The following NOS1AP variants were observed in gnomAD, a reference collection of about 807,000 sequenced individuals.
NOS1AP encodes nitric oxide synthase 1 adaptor protein.
A neutral mutation model predicts 56.2 loss-of-function variants in NOS1AP; 21 were observed. The ratio of observed to expected loss-of-function variants is 0.37; its 90% CI spans 0.26 to 0.54. NOS1AP has a LOEUF of 0.54. NOS1AP is among the 20% of genes least tolerant of loss of function. The pLI is 0.84. For synonymous variants in NOS1AP, 270 were observed against 274.6 expected (o/e 0.98, Z 0.17); for missense variants, 522 against 657.8 (o/e 0.79, Z 2.26).
At chr1:162,261,519 AGAG>A (rs1654230930) in intron 2 of NOS1AP, among the ~76,000 whole-genome samples, 1 of 32,992 alleles carries the variant, frequency 3.0e-5, no homozygotes, top group African/African-American at 9.5e-5. Context: ...AGAGAGAGAG[AGAG>A]AGAGAGAGAG....
chr1:162,318,566 AT>A (rs879619014), intron 4 of NOS1AP, among the ~76,000 whole-genome samples: 64 of 150,294 alleles, frequency 4.3e-4, no homozygotes, highest in Middle Eastern at 3.4e-3. Flanking sequence ...TCTGCTCAGT[AT>A]TTTTTTTTCT....
At chr1:162,081,072 C>CCAAG (rs1691875541) in intron 1 of NOS1AP, among the ~76,000 whole-genome samples, 1 of 152,122 alleles carries the variant, frequency 6.6e-6, no homozygotes, top group Non-Finnish European at 1.5e-5. Context: ...ATTCAAAATA[C>CCAAG]CAAGAGCTAA....
At chr1:162,319,318 G>C (rs1279015367) in intron 4 of NOS1AP, among the ~76,000 whole-genome samples, 1 of 152,006 alleles carries the variant, frequency 6.6e-6, no homozygotes, top group Non-Finnish European at 1.5e-5. Flanking sequence ...ATTGCAGTAG[G>C]CTCTTGGTGG....
intron 3 of NOS1AP, among the ~76,000 whole-genome samples, chr1:162,292,111 T>A (rs982251816): frequency 2.0e-5 from 3 of 152,230 alleles, no homozygotes; most frequent in African/African-American, 7.2e-5. Context: ...ATTGTGTGTC[T>A]ACCATGTTCA....
chr1:162,254,684 C>T (rs1268149056), intron 2 of NOS1AP, among the ~76,000 whole-genome samples: 8 of 152,166 alleles, frequency 5.3e-5, no homozygotes, highest in Non-Finnish European at 1.0e-4. Flanking sequence ...GGAAAGTGTG[C>T]TCTAAATTAA....
chr1:162,331,458 A>G (rs1466341550), intron 4 of NOS1AP, among the ~76,000 whole-genome samples: 1 of 152,148 alleles, frequency 6.6e-6, no homozygotes, highest in Non-Finnish European at 1.5e-5. Context: ...TTTACTAACT[A>G]TTCTACCTCC....
intron 1 of NOS1AP, among the ~76,000 whole-genome samples, chr1:162,070,955 C>T (rs1288343577): frequency 1.3e-5 from 2 of 152,070 alleles, no homozygotes; most frequent in African/African-American, 4.8e-5. Flanking sequence ...GGAATTTCAG[C>T]GCTGAGGTCG....
At chr1:162,184,326 A>G (rs942106505) in intron 2 of NOS1AP, among the ~76,000 whole-genome samples, 21 of 152,238 alleles carry the variant, frequency 1.4e-4, no homozygotes, top group Non-Finnish European at 2.9e-4. Flanking sequence ...CATAACAGAG[A>G]TGATTATTAA....
intron 2 of NOS1AP, among the ~76,000 whole-genome samples, chr1:162,225,021 C>T (rs1652896876): frequency 6.6e-6 from 1 of 152,206 alleles, no homozygotes; most frequent in Admixed American, 6.5e-5. Flanking sequence ...GGCAACCATT[C>T]TCTTCCCAGT....
At chr1:162,148,137 G>A (rs1317265490) in intron 1 of NOS1AP, among the ~76,000 whole-genome samples, 2 of 152,198 alleles carry the variant, frequency 1.3e-5, no homozygotes, top group African/African-American at 2.4e-5. Context: ...TGTAATGGAG[G>A]GCTGGAAGGA....
At chr1:162,209,774 G>C (rs1054554464) in intron 2 of NOS1AP, among the ~76,000 whole-genome samples, 2 of 152,100 alleles carry the variant, frequency 1.3e-5, no homozygotes, top group African/African-American at 2.4e-5. Flanking sequence ...AGCTGGGGGC[G>C]GGGGGCAAGG....
Position 162,137,341 on chromosome 1 carries a change from G to A in NOS1AP, c.106-17064G>A, listed in dbSNP as rs575471025. On this transcript the variant is annotated intron_variant, in intron 1 of 9. Transcript: ENST00000361897. ...CGTTTGTCTGTCCCTCTGCACTTCT[G>A]CAGCACTATTGATTTGCCGTTTGCT... Among the ~76,000 whole-genome samples the A allele has an allele frequency of 2.2e-3, 333 of 152,242 alleles. 2 individuals carry two copies. The highest frequency in any genetic ancestry group is 7.8e-3 in the African/African-American group (324 of 41,548).
At chr1:162,114,996 C>T (rs1229888439) in intron 1 of NOS1AP, among the ~76,000 whole-genome samples, 1 of 152,128 alleles carries the variant, frequency 6.6e-6, no homozygotes, top group Non-Finnish European at 1.5e-5. Flanking sequence ...CCCATAATGG[C>T]CAAGATTCTT....
chr1:162,325,924 T>C (rs1287122929), intron 4 of NOS1AP, among the ~76,000 whole-genome samples: 2 of 152,024 alleles, frequency 1.3e-5, no homozygotes, highest in African/African-American at 4.8e-5. Flanking sequence ...GAGATACTGA[T>C]GTTGGGAGAA....
intron 2 of NOS1AP, among the ~76,000 whole-genome samples, chr1:162,274,781 T>G (rs950287929): frequency 1.1e-4 from 17 of 152,222 alleles, no homozygotes; most frequent in Non-Finnish European, 2.9e-5. Flanking sequence ...TCTCAATTCC[T>G]CCTGTTAGAC....
intron 1 of NOS1AP, among the ~76,000 whole-genome samples, chr1:162,143,399 C>T (rs1229722508): frequency 1.3e-5 from 2 of 152,138 alleles, no homozygotes; most frequent in Non-Finnish European, 2.9e-5. Flanking sequence ...TCAGGATCTT[C>T]TTGGCTCACA....
chr1:162,345,835 C>A (rs1400459055), intron 6 of NOS1AP, among the ~76,000 whole-genome samples: 3 of 152,180 alleles, frequency 2.0e-5, no homozygotes. Context: ...TTTTAAAATG[C>A]TGAGCCTGGT....
rs113949891 is a variant in NOS1AP at position 162,191,627 on chromosome 1, C to T, written c.177+37151C>T. On this transcript the variant is annotated intron_variant, in intron 2 of 9. Transcript: ENST00000361897. ...TAAGGGATTCCAGAAATTCTTGCCG[C>T]GTTCTCCTAGATAGCTGGCTACATT... Among the ~76,000 whole-genome samples the T allele has an allele frequency of 2.1e-3, 313 of 152,198 alleles. 1 individual carries two copies. The highest frequency in any genetic ancestry group is 7.3e-3 in the African/African-American group (305 of 41,536).
At chr1:162,070,352 C>T in intron 1 of NOS1AP, 70 bp downstream of exon 1, 1 of 1,307,068 alleles carries the variant, frequency 7.7e-7, no homozygotes. Context: ...GGATGGGATG[C>T]ACAGCCGTCC....
Sources: allele counts gnomAD v4.1 joint callset (sites outside exome capture counted in the v4.1 genomes callset), GRCh38; gene constraint gnomAD v4.1.1; transcripts MANE v1.5; gene names NCBI Gene and HGNC (gene_info 2026-07-23, HGNC 2026-07-21).